ARHGAP24: variants seen among roughly 807,000 people sequenced by gnomAD.
ARHGAP24 encodes the protein rho GTPase-activating protein 24.
Under a neutral mutation model 76.4 loss-of-function variants are expected in ARHGAP24, and 50 were observed. The ratio of observed to expected loss-of-function variants is 0.65; its 90% CI spans 0.52 to 0.83. The LOEUF is 0.83. Ranked by LOEUF, ARHGAP24 falls within the 40% of genes least tolerant of loss-of-function variation. The pLI, the probability that ARHGAP24 is intolerant of heterozygous loss-of-function variation, is 0.00. For synonymous variants in ARHGAP24, 345 were observed against 323.3 expected (o/e 1.07, Z -0.72); for missense variants, 930 against 914.2 (o/e 1.02, Z -0.22).
chr4:85,834,402 A>G lies in ARHGAP24; in HGVS notation c.269-89246A>G, dbSNP rs532561997. ...GAGAATTGCATAAAAGAATATTTTA[A>G]AACACCTCCAAGACATCCTATCTCA... On this transcript the variant is annotated intron_variant, in intron 3 of 9. Coordinates refer to ENST00000395184, the MANE Select transcript of ARHGAP24 (RefSeq NM_001025616.3). 3.9e-5 allele frequency among the ~76,000 whole-genome samples: 6 copies of G among 152,352 alleles called. No individual in the cohort carries two copies. The South Asian group carries it at 1.2e-3, about 32-fold the overall frequency.
At chr4:85,831,768 G>T (rs1322306208) in intron 3 of ARHGAP24, among the ~76,000 whole-genome samples, 2 of 151,950 alleles carry the variant, frequency 1.3e-5, no homozygotes, top group African/African-American at 4.8e-5. Context: ...GGGACATGGT[G>T]GTATGTGCCT....
intron 3 of ARHGAP24, among the ~76,000 whole-genome samples, chr4:85,921,077 C>T (rs1735695611): frequency 6.6e-6 from 1 of 152,174 alleles, no homozygotes; most frequent in South Asian, 2.1e-4. Context: ...TACATGCACA[C>T]ATATGTGCAT....
At chr4:85,590,192 G>GCCTGCCTGCCTT (rs1560543834) in intron 2 of ARHGAP24, among the ~76,000 whole-genome samples, 10 of 111,308 alleles carry the variant, frequency 9.0e-5, no homozygotes, top group African/African-American at 3.1e-4. Context: ...CTGCCTGCCT[G>GCCTGCCTGCCTT]CCTTCCTTCC....
intron 1 of ARHGAP24, among the ~76,000 whole-genome samples, chr4:85,485,509 T>C (rs1453404040): frequency 6.7e-6 from 1 of 149,448 alleles, no homozygotes; most frequent in Non-Finnish European, 1.5e-5. Context: ...AAATAAATGC[T>C]ATGGTTGGAG....
At chr4:85,916,162 A>T (rs1288012757) in intron 3 of ARHGAP24, among the ~76,000 whole-genome samples, 1 of 152,182 alleles carries the variant, frequency 6.6e-6, no homozygotes, top group Non-Finnish European at 1.5e-5. Flanking sequence ...CATTTCTCTA[A>T]TGACCAGTGA....
chr4:85,761,991 G>C (rs973561510), intron 3 of ARHGAP24, among the ~76,000 whole-genome samples: 1 of 152,062 alleles, frequency 6.6e-6, no homozygotes, highest in East Asian at 1.9e-4. Context: ...TTTATGTCTC[G>C]CAGCCTTTAT....
intron 3 of ARHGAP24, among the ~76,000 whole-genome samples, chr4:85,796,461 C>G (rs542725268): frequency 2.0e-4 from 30 of 152,188 alleles, no homozygotes; most frequent in Non-Finnish European, 3.8e-4. Context: ...AAACTCAACT[C>G]AAGCCAACAT....
intron 3 of ARHGAP24, among the ~76,000 whole-genome samples, chr4:85,871,400 T>C (rs934658938): frequency 1.9e-4 from 29 of 152,194 alleles, no homozygotes; most frequent in African/African-American, 5.5e-4. Context: ...CAATACACCT[T>C]CTTTTCTACC....
intron 1 of ARHGAP24, among the ~76,000 whole-genome samples, chr4:85,499,214 G>T (rs901463142): frequency 2.6e-5 from 4 of 152,118 alleles, no homozygotes; most frequent in Non-Finnish European, 4.4e-5. Context: ...TTTGGTAATG[G>T]CAGCATTGCT....
chr4:85,754,027 C>G (rs762241362), intron 3 of ARHGAP24, among the ~76,000 whole-genome samples: 1 of 152,086 alleles, frequency 6.6e-6, no homozygotes, highest in Non-Finnish European at 1.5e-5. Context: ...TTCTATCTAA[C>G]TCTGTTTTGG....
At chr4:85,997,387 GATAGATAGATA>G (rs1740738326) in intron 9 of ARHGAP24, among the ~76,000 whole-genome samples, 2 of 58,758 alleles carry the variant, frequency 3.4e-5, no homozygotes, top group Non-Finnish European at 8.9e-5. Context: ...TAGATAGATA[GATAGATAGATA>G]GATAGATAGA....
intron 2 of ARHGAP24, among the ~76,000 whole-genome samples, chr4:85,674,786 T>C (rs541373826): frequency 6.6e-6 from 1 of 152,350 alleles, no homozygotes; most frequent in South Asian, 2.1e-4. Flanking sequence ...TTATTCACAT[T>C]CCATGACTCC....
chr4:85,702,551 T>C (rs1380709578), intron 2 of ARHGAP24, among the ~76,000 whole-genome samples: 2 of 152,194 alleles, frequency 1.3e-5, no homozygotes, highest in Non-Finnish European at 2.9e-5. Flanking sequence ...GGCTCTAAAG[T>C]ATTATAAGAT....
intron 2 of ARHGAP24, among the ~76,000 whole-genome samples, chr4:85,674,388 C>T (rs1722906347): frequency 6.6e-6 from 1 of 152,204 alleles, no homozygotes; most frequent in South Asian, 2.1e-4. Context: ...AAGATGCACT[C>T]ATCTTTTAGG....
intron 5 of ARHGAP24, among the ~76,000 whole-genome samples, chr4:85,965,290 A>T (rs1738521831): frequency 6.6e-6 from 1 of 152,086 alleles, no homozygotes; most frequent in Non-Finnish European, 1.5e-5. Context: ...AGATCTCATG[A>T]GTCCCATTCA....
In ARHGAP24 at chr4:85,688,481, G is replaced by T. The variant is rs1722393480; in HGVS notation, c.181-33404G>T. Among the ~76,000 whole-genome samples the T allele has an allele frequency of 2.0e-5, 3 of 151,980 alleles. No individual in the cohort carries two copies. In the South Asian group the frequency reaches 6.2e-4, roughly 31 times the overall value. ...TATAAATTCTGGATATTACTCCTTTGTCAGATGCATACTTTGTGACTATTT... is the reference window on the plus strand; with the variant it reads ...TATAAATTCTGGATATTACTCCTTTTTCAGATGCATACTTTGTGACTATTT... On this transcript the variant is annotated intron_variant, in intron 2 of 9. Coordinates refer to ENST00000395184, the MANE Select transcript of ARHGAP24 (RefSeq NM_001025616.3).
rs1416854638 is a variant in ARHGAP24 at position 85,995,089 on chromosome 4, A to T, written c.1435A>T (p.Asn479Tyr). Reference sequence around the variant, plus strand: ...CAAAATGGGCACGCACAGTGTACAGAATGGAACGGTGCGCATGGGCATTTT... The same window carrying T: ...CAAAATGGGCACGCACAGTGTACAGTATGGAACGGTGCGCATGGGCATTTT... Reference protein sequence around the residue: ...GTKMGTHSVQNGTVRMGILNS... With the variant: ...GTKMGTHSVQYGTVRMGILNS... Residue 479 changes from asparagine (N) to tyrosine (Y), a missense_variant, in exon 9 of 10, where the codon AAT becomes TAT. By Grantham distance (143) the Asn-to-Tyr change is moderately radical. Transcript: ENST00000395184. 3 of 1,614,076 alleles carry T rather than the reference A, an allele frequency of 1.9e-6. No individual in the cohort carries two copies. Among genetic ancestry groups the T allele is most frequent in the Non-Finnish European group, 2.5e-6 (3 of 1,180,012 alleles).
At chr4:85,930,850 A>G (rs1054508263) in intron 4 of ARHGAP24, 59 of 1,605,544 alleles carry the variant, frequency 3.7e-5, no homozygotes, top group Non-Finnish European at 4.8e-5. Context: ...GTAAACAAGC[A>G]TGAGGAGTGG....
intron 3 of ARHGAP24, among the ~76,000 whole-genome samples, chr4:85,843,630 A>AT (rs1730720799): frequency 1.3e-5 from 2 of 152,012 alleles, no homozygotes; most frequent in South Asian, 4.1e-4. Flanking sequence ...TTTGTGTGTG[A>AT]TTTTCTTAAT....
Sources: gnomAD v4.1 joint callset for allele counts (sites outside exome capture counted in the v4.1 genomes callset) on GRCh38, gnomAD v4.1.1 for gene constraint, MANE v1.5 for transcripts, NCBI Gene and HGNC (gene_info 2026-07-23, HGNC 2026-07-21) for gene names.